PCDH11X: variants seen among roughly 807,000 people sequenced by gnomAD.
The protein encoded by PCDH11X is protocadherin-11 X-linked.
In PCDH11X, 18 loss-of-function variants were observed where a neutral mutation model predicts 53.3. The ratio of observed to expected loss-of-function variants is 0.34; its 90% CI spans 0.23 to 0.50. The LOEUF is 0.50. PCDH11X is among the 20% of genes least tolerant of loss of function. The pLI is 0.98. For synonymous variants in PCDH11X, 279 were observed against 393.3 expected (o/e 0.71, Z 3.44); for missense variants, 570 against 1,032.4 (o/e 0.55, Z 6.14).
chrX:91,981,014 TAC>T (rs2062125184), intron 6 of PCDH11X, among the ~76,000 whole-genome samples: 1 of 100,076 alleles, frequency 1.0e-5, no homozygotes, highest in East Asian at 3.1e-4. Context: ...TATATATATA[TAC>T]ACTGAATATA....
chrX:92,127,642 T>C (rs1373564642), intron 6 of PCDH11X, among the ~76,000 whole-genome samples: 1 of 106,512 alleles, frequency 9.4e-6, no homozygotes, highest in Non-Finnish European at 1.9e-5. Flanking sequence ...TGCCTCAGCC[T>C]CCCAAGTAGC....
chrX:91,989,480 G>A (rs1306230778), intron 6 of PCDH11X, among the ~76,000 whole-genome samples: 2 of 110,205 alleles, frequency 1.8e-5, no homozygotes, highest in Non-Finnish European at 3.8e-5. Context: ...GGAGAATGGC[G>A]TGAACCCAGG....
At chrX:92,418,775 T>C (rs747576465) in intron 9 of PCDH11X, among the ~76,000 whole-genome samples, 171 of 106,330 alleles carry the variant, frequency 1.6e-3, no homozygotes, top group African/African-American at 5.6e-3. Context: ...ATTTTTCTTC[T>C]TCTTCTTTTT....
chrX:91,792,816 T>C, intron 1 of PCDH11X, among the ~76,000 whole-genome samples: 1 of 111,581 alleles, frequency 9.0e-6, no homozygotes, highest in Non-Finnish European at 1.9e-5. Flanking sequence ...TTTTATATCC[T>C]ATGCCAATGA....
At chrX:91,869,417 A>G (rs1180584342) in intron 5 of PCDH11X, among the ~76,000 whole-genome samples, 1 of 111,462 alleles carries the variant, frequency 9.0e-6, no homozygotes, top group Non-Finnish European at 1.9e-5. Flanking sequence ...GGGTTCTGCA[A>G]TAAACCAGCT....
intron 9 of PCDH11X, among the ~76,000 whole-genome samples, chrX:92,412,502 GA>G (rs2071700087): frequency 6.3e-5 from 3 of 47,933 alleles, no homozygotes; most frequent in African/African-American, 2.3e-4. Flanking sequence ...TCAAAATAAA[GA>G]AAATAGTATA....
chrX:92,302,794 G>C (rs144963257), intron 8 of PCDH11X, among the ~76,000 whole-genome samples: 4,990 of 109,701 alleles, frequency 0.045, 116 homozygotes, highest in East Asian at 0.11. Context: ...GCTAAGCCCA[G>C]ATATTAAATG....
intron 7 of PCDH11X, among the ~76,000 whole-genome samples, chrX:92,253,756 A>T (rs781229191): frequency 8.9e-6 from 1 of 112,073 alleles, no homozygotes; most frequent in South Asian, 3.6e-4. Flanking sequence ...CTGTTGGCAT[A>T]TAGAAATGCT....
chrX:91,819,385 A>G (rs1936559812), intron 4 of PCDH11X, among the ~76,000 whole-genome samples: 1 of 110,549 alleles, frequency 9.0e-6, no homozygotes, highest in African/African-American at 3.3e-5. Flanking sequence ...CTGATTTCCT[A>G]AGAACCACTT....
intron 10 of PCDH11X, among the ~76,000 whole-genome samples, chrX:92,476,275 GTTACC>G (rs921934678): frequency 8.9e-6 from 1 of 111,935 alleles, no homozygotes; most frequent in Non-Finnish European, 1.9e-5. Context: ...TACCTTGTAA[GTTACC>G]TAGTCTCGTG....
At chrX:92,254,232 G>A (rs1382550902) in intron 7 of PCDH11X, among the ~76,000 whole-genome samples, 1 of 111,479 alleles carries the variant, frequency 9.0e-6, no homozygotes, top group African/African-American at 3.3e-5. Flanking sequence ...ACATTGATTG[G>A]TTTGTGTACA....
At chrX:92,469,846 C>T (rs1374564310) in intron 10 of PCDH11X, among the ~76,000 whole-genome samples, 2 of 103,347 alleles carry the variant, frequency 1.9e-5, no homozygotes, top group Non-Finnish European at 4.1e-5. Context: ...GTGATTTCTC[C>T]AGTGTAGTTT....
intron 6 of PCDH11X, among the ~76,000 whole-genome samples, chrX:92,110,637 G>T (rs781752255): frequency 9.0e-6 from 1 of 111,469 alleles, no homozygotes; most frequent in Admixed American, 9.6e-5. Flanking sequence ...TGTCTGGCAG[G>T]CTGGGTGACT....
At chrX:92,617,289 C>G (rs1928079385) in intron 10 of PCDH11X, among the ~76,000 whole-genome samples, 2 of 111,636 alleles carry the variant, frequency 1.8e-5, no homozygotes, top group South Asian at 7.4e-4. Flanking sequence ...GTCTTCTATG[C>G]ATTTACTGAT....
intron 6 of PCDH11X, among the ~76,000 whole-genome samples, chrX:92,005,902 C>T (rs1425566197): frequency 9.0e-6 from 1 of 111,456 alleles, no homozygotes; most frequent in African/African-American, 3.3e-5. Flanking sequence ...GTTGTTTTTC[C>T]TTCAGCACTT....
At chrX:92,255,547 C>G (rs1346449676) in intron 7 of PCDH11X, among the ~76,000 whole-genome samples, 24 of 108,052 alleles carry the variant, frequency 2.2e-4, no homozygotes, top group East Asian at 1.2e-3. Context: ...TTTTTCTGTT[C>G]TGTTTTTTCC....
At chrX:92,138,593 GA>G (rs2065122885) in intron 6 of PCDH11X, among the ~76,000 whole-genome samples, 1 of 110,327 alleles carries the variant, frequency 9.1e-6, no homozygotes, top group African/African-American at 3.3e-5. Flanking sequence ...TATATTCTCT[GA>G]ATATTGTAAT....
chrX:92,342,544 C>T (rs1351532729), intron 8 of PCDH11X, among the ~76,000 whole-genome samples: 2 of 111,658 alleles, frequency 1.8e-5, no homozygotes, highest in Non-Finnish European at 3.8e-5. Context: ...AAAATCATAT[C>T]CTGTGCAGCA....
At chrX:91,886,851 G>T (rs1220731077) in intron 6 of PCDH11X, among the ~76,000 whole-genome samples, 1 of 106,883 alleles carries the variant, frequency 9.4e-6, no homozygotes, top group Non-Finnish European at 1.9e-5. Flanking sequence ...GGCGCCTGTA[G>T]TCCCAGCTAC....
Sources: allele counts gnomAD v4.1 joint callset (sites outside exome capture counted in the v4.1 genomes callset), GRCh38; gene constraint gnomAD v4.1.1; transcripts MANE v1.5; gene names NCBI Gene and HGNC (gene_info 2026-07-23, HGNC 2026-07-21).